Variants in PDLIM2 observed in about 807,000 individuals in gnomAD.
PDLIM2 encodes PDZ and LIM domain 2.
PDLIM2 carries 51 observed loss-of-function variants against 54.1 expected under a neutral mutation model. The observed-to-expected ratio is 0.94, with a 90% CI of 0.75 to 1.19. The LOEUF is 1.19. Among genes scored for constraint, PDLIM2 ranks in the 50% most tolerant of loss-of-function variants. PDLIM2 has a pLI of 0.00. For synonymous variants in PDLIM2, 398 were observed against 385.6 expected (o/e 1.03, Z -0.38); for missense variants, 912 against 874.0 (o/e 1.04, Z -0.55).
In PDLIM2 at chr8:22,589,860, G is replaced by A; in HGVS notation, c.1513+119G>A. 11 of 1,383,958 alleles carry A rather than the reference G, an allele frequency of 7.9e-6. No individual in the cohort carries two copies. In the South Asian group the frequency reaches 1.5e-4, roughly 19 times the overall value. 85.7% of individuals were successfully genotyped at this position (1,383,958 alleles called of 1,614,324 possible). A position where few individuals can be genotyped will look rare whatever the true frequency, so the allele number is the denominator to read the frequency against. ...CTGTGAGGTGCTCACCCCAGGACTA[G>A]GCACGGAGCCGAGCAGAGCGCGAAG... On this transcript the variant is annotated intron_variant, in intron 8 of 9. Transcript: ENST00000308354.
At position 22,593,722 on chromosome 8, in the gene PDLIM2, C is replaced by A. The variant is rs1472697937; in HGVS notation, c.1632-11C>A. ...TGTGGCTCTGAGCTAAAGCCTCTCCCTCCCCTTCAGGAACCAGGCTGTGCG... is the reference window on the plus strand; with the variant it reads ...TGTGGCTCTGAGCTAAAGCCTCTCCATCCCCTTCAGGAACCAGGCTGTGCG... On this transcript the variant is annotated splice_polypyrimidine_tract_variant and intron_variant, in intron 9 of 9. Transcript: ENST00000308354. 5.7e-6 allele frequency: 9 copies of A among 1,568,022 alleles called. No individual in the cohort carries two copies. In the African/African-American group the frequency reaches 9.4e-5, roughly 16 times the overall value.
downstream of PDLIM2, chr8:22,597,307 C>A (rs1800701434): frequency 1.3e-5 from 2 of 152,326 alleles, no homozygotes; most frequent in African/African-American, 4.8e-5. Context: ...TGGCTCTAGG[C>A]TTGGGACTGC....
At chr8:22,586,059 G>A (rs971918845) in intron 6 of PDLIM2, among the ~76,000 whole-genome samples, 26 of 152,126 alleles carry the variant, frequency 1.7e-4, no homozygotes, top group African/African-American at 5.8e-4. Flanking sequence ...GCCCTGGGCC[G>A]CAGCTGCTGG....
chr8:22,580,610 G>A (rs1311340770), exon 2 of PDLIM2: 28 of 1,614,068 alleles, frequency 1.7e-5, no homozygotes, highest in South Asian at 8.8e-5. Flanking sequence ...CAGGTATGGC[G>A]TTGACGGTGG....
exon 10 of PDLIM2, chr8:22,594,190 G>T (rs762807530): frequency 7.1e-7 from 1 of 1,405,870 alleles, no homozygotes; most frequent in South Asian, 1.6e-5. Context: ...TCTAAGTAGG[G>T]TCGAACACAG....
At chr8:22,581,245 C>A in intron 2 of PDLIM2, 134 bp from the exon 2 acceptor site, 1 of 1,152,568 alleles carries the variant, frequency 8.7e-7, no homozygotes, top group Non-Finnish European at 1.2e-6. Context: ...GTGTCATGAG[C>A]AGGCAGAGGG....
chr8:22,594,209 A>G, exon 10 of PDLIM2: 1 of 1,397,400 alleles, frequency 7.2e-7, no homozygotes, highest in Non-Finnish European at 9.3e-7. Flanking sequence ...AGAAGTGGGA[A>G]GGAGAGGGGT....
intron 6 of PDLIM2, 30 bp from the exon 6 acceptor site, chr8:22,589,268 G>T: frequency 6.5e-7 from 1 of 1,533,192 alleles, no homozygotes; most frequent in South Asian, 1.2e-5. Context: ...CTCTGGCCCT[G>T]ACTCCTCCCC....
chr8:22,579,550 G>GC (rs1285308078), intron 1 of PDLIM2: 1 of 1,442,124 alleles, frequency 6.9e-7, no homozygotes, highest in Non-Finnish European at 9.1e-7. Context: ...CGGGGCGGCC[G>GC]CGAGCCGGCC....
At chr8:22,595,789 T>A (rs1800672319), downstream of PDLIM2, 1 of 152,254 alleles carries the variant, frequency 6.6e-6, no homozygotes, top group South Asian at 2.1e-4. Flanking sequence ...CCCTTGAGGC[T>A]CTAGGGACAT....
intron 2 of PDLIM2, 132 bp downstream of exon 1, chr8:22,580,829 C>A: frequency 9.6e-7 from 1 of 1,042,416 alleles, no homozygotes; most frequent in Non-Finnish European, 1.5e-6. Context: ...GGCGTGCTGG[C>A]TGTAAGGGAG....
chr8:22,591,257 G>T, intron 8 of PDLIM2: 1 of 482,762 alleles, frequency 2.1e-6, no homozygotes. Context: ...TAATCACACT[G>T]TTATTACCAG....
chr8:22,582,662 A>T (rs1192818998), intron 3 of PDLIM2, among the ~76,000 whole-genome samples: 1 of 133,312 alleles, frequency 7.5e-6, no homozygotes, highest in African/African-American at 2.9e-5. Context: ...GCTCACTGCC[A>T]CCTCTGCCTC....
At chr8:22,584,831 A>C (rs765198224) in exon 4 of PDLIM2, 1 of 1,614,102 alleles carries the variant, frequency 6.2e-7, no homozygotes, top group South Asian at 1.1e-5. Context: ...GTCTCAGGCT[A>C]CGTCTCCAGG....
chr8:22,586,725 C>T (rs891568579), intron 6 of PDLIM2, among the ~76,000 whole-genome samples: 5 of 152,152 alleles, frequency 3.3e-5, no homozygotes, highest in African/African-American at 4.8e-5. Flanking sequence ...CAGCAGGACC[C>T]ACGTGCTCAA....
Position 22,579,438 on chromosome 8 carries a change from A to T in PDLIM2, c.659A>T (p.Glu220Val), listed in dbSNP as rs1054520426. Residue 220 changes from glutamate (E) to valine (V), a missense_variant, in exon 1 of 10, where the codon GAA (glutamate) becomes GTA (valine). Coordinates refer to ENST00000308354, the Ensembl canonical transcript of PDLIM2. ...CGCAGGGTACTTTGCCCTCGGAGCG[A>T]AGGAGGCTCCAGAACTGGTAGAGCC... is the stretch of plus-strand genomic sequence containing the variant. 1.8e-5 allele frequency: 28 copies of T among 1,517,524 alleles called. No individual in the cohort carries two copies. The highest frequency in any genetic ancestry group is 2.5e-5 in the Non-Finnish European group (28 of 1,139,298). 94.0% of individuals were successfully genotyped at this position (1,517,524 alleles called of 1,614,324 possible).
intron 9 of PDLIM2, 145 bp from the exon 9 acceptor site, chr8:22,593,588 A>G: frequency 1.6e-6 from 1 of 606,666 alleles, no homozygotes; most frequent in Non-Finnish European, 2.7e-6. Context: ...AAAAAAAAAA[A>G]AAAAAAAAAA....
intron 2 of PDLIM2, 24 bp downstream of exon 1, chr8:22,580,721 T>C (rs1333339800): frequency 6.2e-7 from 1 of 1,611,276 alleles, no homozygotes; most frequent in Non-Finnish European, 8.5e-7. Flanking sequence ...CTCAAAGAGA[T>C]GAGAAGGTCC....
downstream of PDLIM2, chr8:22,596,405 C>A (rs1800684731): frequency 1.3e-5 from 2 of 152,220 alleles, no homozygotes; most frequent in African/African-American, 4.8e-5. Context: ...TCTCTGCAGC[C>A]ACACAATCAG....
Sources: gnomAD v4.1 joint callset for allele counts (sites outside exome capture counted in the v4.1 genomes callset) on GRCh38, gnomAD v4.1.1 for gene constraint, MANE v1.5 for transcripts, NCBI Gene and HGNC (gene_info 2026-07-23, HGNC 2026-07-21) for gene names.